PLCL1: variants seen among roughly 807,000 people sequenced by gnomAD.
The protein encoded by PLCL1 is inactive phospholipase C-like protein 1.
In PLCL1, 41 loss-of-function variants were observed where a neutral mutation model predicts 84.4. The ratio of observed to expected loss-of-function variants is 0.49; its 90% CI spans 0.38 to 0.63. The LOEUF (loss-of-function observed/expected upper bound fraction) is 0.63, where lower values mean the gene tolerates loss of function less well. Among genes scored for constraint, PLCL1 ranks in the 30% least tolerant of loss-of-function variants. The pLI is 0.00. For missense variants in PLCL1, 1,206 were observed against 1,367.8 expected, an observed-to-expected ratio of 0.88 and a Z score of 1.87; for synonymous variants, 490 against 488.3, an observed-to-expected ratio of 1.00 and a Z score of -0.05.
At chr2:198,139,952 G>C (rs77944932) in intron 5 of PLCL1, among the ~76,000 whole-genome samples, 1 of 150,294 alleles carries the variant, frequency 6.7e-6, no homozygotes, top group African/African-American at 2.4e-5. Context: ...TTTTTTCCCC[G>C]AGATGGAGTC....
chr2:198,086,266 C>A, intron 2 of PLCL1, 34 bp downstream of exon 2: 1 of 1,323,780 alleles, frequency 7.6e-7, no homozygotes, highest in Non-Finnish European at 1.1e-6. Flanking sequence ...CTTCCCTATC[C>A]CTGCTTATTC....
intron 1 of PLCL1, among the ~76,000 whole-genome samples, chr2:198,009,818 A>G (rs1198338769): frequency 6.6e-6 from 1 of 152,006 alleles, no homozygotes; most frequent in East Asian, 1.9e-4. Context: ...TGAGCATGGG[A>G]TGTCTTTCCA....
At chr2:197,941,504 C>G (rs1689157513) in intron 1 of PLCL1, among the ~76,000 whole-genome samples, 1 of 152,132 alleles carries the variant, frequency 6.6e-6, no homozygotes, top group African/African-American at 2.4e-5. Context: ...GTTTCCCAGG[C>G]TGGTCTCGAA....
chr2:197,877,657 G>A (rs572259495), intron 1 of PLCL1, among the ~76,000 whole-genome samples: 3 of 152,078 alleles, frequency 2.0e-5, no homozygotes, highest in Admixed American at 1.3e-4. Flanking sequence ...TTAAAATGAT[G>A]GTAATTCTAA....
intron 1 of PLCL1, among the ~76,000 whole-genome samples, chr2:197,903,500 T>A (rs1559040582): frequency 9.1e-6 from 1 of 109,886 alleles, no homozygotes; most frequent in African/African-American, 3.2e-5. Flanking sequence ...TTTTTTTTTT[T>A]TGAGACGGAG....
At chr2:198,139,150 C>T (rs991472514) in intron 5 of PLCL1, among the ~76,000 whole-genome samples, 10 of 151,576 alleles carry the variant, frequency 6.6e-5, no homozygotes, top group African/African-American at 1.7e-4. Flanking sequence ...AGCAAAACTC[C>T]GTCTCAAAAT....
At chr2:197,840,877 C>A (rs1686986279) in intron 1 of PLCL1, among the ~76,000 whole-genome samples, 1 of 152,156 alleles carries the variant, frequency 6.6e-6, no homozygotes, top group African/African-American at 2.4e-5. Flanking sequence ...TGCAACTAAT[C>A]TTCTAGTGGA....
At chr2:197,881,053 T>G (rs151092836) in intron 1 of PLCL1, among the ~76,000 whole-genome samples, 18 of 152,304 alleles carry the variant, frequency 1.2e-4, no homozygotes, top group African/African-American at 4.3e-4. Context: ...TTCAGAATTG[T>G]TAAAAAATTC....
chr2:198,121,699 G>A (rs912363605), intron 5 of PLCL1, among the ~76,000 whole-genome samples: 1 of 151,876 alleles, frequency 6.6e-6, no homozygotes, highest in African/African-American at 2.4e-5. Context: ...TCCAGTTTTG[G>A]TTATTACAGC....
chr2:198,088,773 G>A, intron 2 of PLCL1, 85 bp from the exon 3 acceptor site: 1 of 824,212 alleles, frequency 1.2e-6, no homozygotes, highest in Non-Finnish European at 2.2e-6. Context: ...TTTTAAAAAT[G>A]AATGTACTTT....
At chr2:198,106,835 C>G (rs921474845) in intron 5 of PLCL1, among the ~76,000 whole-genome samples, 5 of 151,866 alleles carry the variant, frequency 3.3e-5, no homozygotes, top group African/African-American at 1.2e-4. Context: ...CTCCATCTCA[C>G]AAATGAGGAA....
chr2:198,007,490 A>G (rs1314207918), intron 1 of PLCL1, among the ~76,000 whole-genome samples: 2 of 152,210 alleles, frequency 1.3e-5, no homozygotes, highest in African/African-American at 2.4e-5. Context: ...CAGTACATAT[A>G]TTAAAAAATA....
chr2:197,866,054 C>T (rs367867693), intron 1 of PLCL1, among the ~76,000 whole-genome samples: 447 of 23,808 alleles, frequency 0.019, 128 homozygotes, highest in Middle Eastern at 0.053. Context: ...TATATATATA[C>T]ACACACACAC....
intron 1 of PLCL1, among the ~76,000 whole-genome samples, chr2:197,924,445 G>A (rs1232044290): frequency 1.3e-5 from 2 of 152,074 alleles, no homozygotes; most frequent in East Asian, 3.9e-4. Flanking sequence ...GTTAATTTGA[G>A]TTGTGGTAAA....
At chr2:198,077,184 C>A (rs1201137173) in intron 1 of PLCL1, among the ~76,000 whole-genome samples, 1 of 152,104 alleles carries the variant, frequency 6.6e-6, no homozygotes, top group Admixed American at 6.6e-5. Flanking sequence ...TTCCCTGGAA[C>A]CCTTTACTCT....
At chr2:197,844,321 G>GT (rs1214619052) in intron 1 of PLCL1, among the ~76,000 whole-genome samples, 2 of 152,106 alleles carry the variant, frequency 1.3e-5, no homozygotes, top group Non-Finnish European at 2.9e-5. Context: ...TTCTGACCCC[G>GT]TAGGTTAGTT....
chr2:198,071,421 A>G (rs1692461714), intron 1 of PLCL1, among the ~76,000 whole-genome samples: 1 of 151,902 alleles, frequency 6.6e-6, no homozygotes, highest in Admixed American at 6.6e-5. Context: ...ATATATTATT[A>G]CATTACCTTC....
intron 1 of PLCL1, among the ~76,000 whole-genome samples, chr2:197,939,039 T>G (rs566821657): frequency 3.3e-5 from 5 of 152,240 alleles, no homozygotes; most frequent in African/African-American, 1.2e-4. Context: ...ATAACATACC[T>G]TCCATTAATG....
At position 198,005,589 on chromosome 2, in the gene PLCL1, G is replaced by A. The variant is rs539222621; in HGVS notation, c.241-78169G>A. On this transcript the variant is annotated intron_variant, in intron 1 of 5. Transcript: ENST00000428675. ...CACAAGGATATTATAGTCTTGAGGGGAAGGCAGACATTCATTAAAGACTCA... is the reference window on the plus strand; with the variant it reads ...CACAAGGATATTATAGTCTTGAGGGAAAGGCAGACATTCATTAAAGACTCA... 1.4e-4 allele frequency among the ~76,000 whole-genome samples: 21 copies of A among 152,330 alleles called. No individual in the cohort carries two copies. The East Asian group carries it at 2.3e-3, about 17-fold the overall frequency.
Sources: allele counts gnomAD v4.1 joint callset (sites outside exome capture counted in the v4.1 genomes callset), GRCh38; gene constraint gnomAD v4.1.1; transcripts MANE v1.5; gene names NCBI Gene and HGNC (gene_info 2026-07-23, HGNC 2026-07-21).